The following MEI1 variants were observed in gnomAD, a reference collection of about 807,000 sequenced individuals.
MEI1 encodes meiotic double-stranded break formation protein 1.
Under a neutral mutation model 146.2 loss-of-function variants are expected in MEI1, and 103 were observed. The observed-to-expected ratio is 0.70, with a 90% CI of 0.60 to 0.83. The LOEUF is 0.83. Ranked by LOEUF, MEI1 falls within the 40% of genes least tolerant of loss-of-function variation. The pLI, the probability that MEI1 is intolerant of heterozygous loss-of-function variation, is 0.00. For synonymous variants in MEI1, 652 were observed against 628.2 expected (o/e 1.04, Z -0.57); for missense variants, 1,529 against 1,533.0 (o/e 1.00, Z 0.04).
At chr22:41,723,412 A>C (rs1472268289) in intron 6 of MEI1, among the ~76,000 whole-genome samples, 1 of 152,118 alleles carries the variant, frequency 6.6e-6, no homozygotes, top group East Asian at 1.9e-4. Flanking sequence ...AGGGGGTTTC[A>C]CCATGTTGGC....
At chr22:41,730,324 AAAG>A (rs1486351237) in intron 8 of MEI1, among the ~76,000 whole-genome samples, 194 bp from the exon 9 acceptor site, 1 of 152,192 alleles carries the variant, frequency 6.6e-6, no homozygotes, top group Non-Finnish European at 1.5e-5. Flanking sequence ...CACCTGTTAA[AAAG>A]AAGAGGTTAA....
chr22:41,759,632 AAAATAAAT>A (rs202130156), intron 18 of MEI1, among the ~76,000 whole-genome samples: 4 of 135,636 alleles, frequency 2.9e-5, no homozygotes, highest in Admixed American at 7.1e-5. Flanking sequence ...TCCGTCTCAA[AAAATAAAT>A]AAATAAATAA....
intron 3 of MEI1, among the ~76,000 whole-genome samples, chr22:41,707,172 C>T (rs982879278): frequency 6.6e-6 from 1 of 152,056 alleles, no homozygotes; most frequent in African/African-American, 2.4e-5. Context: ...CACTGCACTT[C>T]AACTTGGGTG....
intron 15 of MEI1, among the ~76,000 whole-genome samples, chr22:41,748,636 G>A (rs1014197355): frequency 6.6e-5 from 10 of 152,126 alleles, no homozygotes; most frequent in African/African-American, 2.4e-4. Context: ...TGCTTTGCAT[G>A]TATGGACTCA....
Position 41,748,126 on chromosome 22 carries a change from C to A in MEI1, c.1700C>A (p.Thr567Asn), listed in dbSNP as rs1228478355. 2 of 1,613,580 alleles carry A rather than the reference C, an allele frequency of 1.2e-6. No individual in the cohort carries two copies. Among genetic ancestry groups the A allele is most frequent in the Non-Finnish European group, 1.7e-6 (2 of 1,179,556 alleles). ...TTGCAGAGACACTTGGAGCAGACCA[C>A]CCACCCAGCTTTGATGGAAGTTTTC... ...PMVMRHLEQT[T>N]HPALMEVFLS... The change falls in exon 15 of 31, where the codon ACC (threonine) becomes AAC (asparagine). Residue 567 changes from threonine (T) to asparagine (N), a missense_variant. This residue lies in a region of MEI1 where 1,212 missense variants were observed against 1,178.9 expected (regional missense o/e 1.03). Coordinates refer to ENST00000401548, the MANE Select transcript of MEI1 (RefSeq NM_152513.4).
At position 41,703,337 on chromosome 22, in the gene MEI1, C is replaced by T. The variant is rs373855976; in HGVS notation, c.181C>T (p.Arg61Cys). ...LLPDPGVSLVRKKHMLSCFQD... is the reference protein window; with the variant it reads ...LLPDPGVSLVCKKHMLSCFQD... Reference sequence around the variant, plus strand: ...TTTCTTCATTTGCTTCAAGTTAGTGCGCAAGAAGCACATGTTGTCCTGCTT... The same window carrying T: ...TTTCTTCATTTGCTTCAAGTTAGTGTGCAAGAAGCACATGTTGTCCTGCTT... The change falls in exon 2 of 31, where the codon CGC (arginine) becomes TGC (cysteine). Residue 61 changes from arginine (R) to cysteine (C), a missense_variant. Physicochemically the swap from Arg to Cys is radical, Grantham distance 180 (BLOSUM62 -3). Transcript: ENST00000401548. 8.1e-6 allele frequency: 13 copies of T among 1,611,824 alleles called. No homozygotes were observed. The highest frequency in any genetic ancestry group is 3.4e-5 in the Admixed American group (2 of 59,688).
Position 41,736,143 on chromosome 22 carries a change from A to G in MEI1, c.1331+3540A>G, listed in dbSNP as rs569852467. Among the ~76,000 whole-genome samples, 293 of 152,240 alleles carry G rather than the reference A, an allele frequency of 1.9e-3. 4 individuals are homozygous for G. Among genetic ancestry groups the G allele is most frequent in the Admixed American group, 0.018 (280 of 15,278 alleles). On this transcript the variant is annotated intron_variant, in intron 11 of 30. Coordinates refer to ENST00000401548, the MANE Select transcript of MEI1 (RefSeq NM_152513.4). ...TCCGGGCATTCCATGACTTAAGGTC[A>G]TATCACTGTAATCACTGCCTCTGTG...
chr22:41,763,133 C>T, intron 18 of MEI1, 41 bp from the exon 19 acceptor site: 1 of 1,605,170 alleles, frequency 6.2e-7, no homozygotes. Context: ...CAGTGGCCTG[C>T]CAACTCTGCC....
rs373302130 is a variant in MEI1 at position 41,716,043 on chromosome 22, G to A, written c.426G>A (p.Leu142=). Residue 142 remains leucine, a splice_region_variant and synonymous_variant, in exon 5 of 31, where the codon CTG becomes CTA. Coordinates refer to ENST00000401548, the MANE Select transcript of MEI1 (RefSeq NM_152513.4). ...TGGAGCATATTCACTTTCTGTAGCTGTGTAACATGCCCTCCATGCGAGGCA... is the reference window on the plus strand; with the variant it reads ...TGGAGCATATTCACTTTCTGTAGCTATGTAACATGCCCTCCATGCGAGGCA... ...RCLLDECHKE[L]CNMPSMRGSL... is the part of the protein sequence containing the mutation. The A allele has an allele frequency of 6.2e-7, 1 of 1,605,774 alleles. No individual in the cohort carries two copies. Among genetic ancestry groups the A allele is most frequent in the African/African-American group, 1.3e-5 (1 of 74,940 alleles).
intron 11 of MEI1, among the ~76,000 whole-genome samples, chr22:41,733,489 G>T (rs1330104515): frequency 6.6e-6 from 1 of 151,022 alleles, no homozygotes; most frequent in Non-Finnish European, 1.5e-5. Context: ...AGGCACAGTG[G>T]CTTATCCCTG....
intron 7 of MEI1, among the ~76,000 whole-genome samples, chr22:41,726,242 AC>A (rs58273537): frequency 0.11 from 16,945 of 152,138 alleles, 2,779 homozygotes; most frequent in African/African-American, 0.36. Flanking sequence ...AAAAGAACTG[AC>A]TTCTAAAGAA....
intron 26 of MEI1, among the ~76,000 whole-genome samples, chr22:41,793,555 G>T (rs1290811519): frequency 6.6e-6 from 1 of 152,182 alleles, no homozygotes; most frequent in Non-Finnish European, 1.5e-5. Flanking sequence ...AGACGCTTTG[G>T]CCTCCCAAAG....
chr22:41,786,874 T>C (rs1239149211), intron 26 of MEI1, among the ~76,000 whole-genome samples: 2 of 152,138 alleles, frequency 1.3e-5, no homozygotes, highest in Non-Finnish European at 2.9e-5. Context: ...TGTAGATCAG[T>C]GTTTATGTAG....
chr22:41,720,289 G>C (rs1465644182), intron 6 of MEI1, among the ~76,000 whole-genome samples: 1 of 152,108 alleles, frequency 6.6e-6, no homozygotes, highest in Admixed American at 6.5e-5. Flanking sequence ...GGCAGTGTTG[G>C]AGTTAGTGCA....
intron 9 of MEI1, among the ~76,000 whole-genome samples, chr22:41,730,872 C>T (rs917671950): frequency 5.9e-5 from 9 of 152,148 alleles, no homozygotes; most frequent in African/African-American, 2.2e-4. Context: ...AAGGGAAGGA[C>T]ACTTCTTTTA....
rs368574546 is a variant in MEI1, at chr22:41,705,176, CT to C, written c.299-312del. 1.8e-3 allele frequency among the ~76,000 whole-genome samples: 256 copies of C among 138,720 alleles called. 1 individual carries two copies. Among genetic ancestry groups the C allele is most frequent in the South Asian group, 4.8e-3 (21 of 4,358 alleles). 91.0% of individuals were successfully genotyped at this position (138,720 alleles called of 152,430 possible). ...CTTTGAAGAGAACTCTTAACCACTC[CT>C]TTTTTTTTTTTTTTTCTTGAGACAG... On this transcript the variant is annotated intron_variant, in intron 2 of 30. Coordinates refer to ENST00000401548, the MANE Select transcript of MEI1 (RefSeq NM_152513.4).
intron 11 of MEI1, among the ~76,000 whole-genome samples, chr22:41,735,443 G>A (rs11090057): frequency 0.29 from 43,530 of 151,762 alleles, 6,848 homozygotes; most frequent in Non-Finnish European, 0.36. Flanking sequence ...CATGTTGGGC[G>A]GGCTGGTCTC....
chr22:41,747,736 C>CCCAAAAAAA (rs1569240908), intron 14 of MEI1, among the ~76,000 whole-genome samples: 1 of 133,230 alleles, frequency 7.5e-6, no homozygotes, highest in Admixed American at 7.6e-5. Flanking sequence ...CCCACCCCCC[C>CCCAAAAAAA]AAAAAAAACA....
At chr22:41,767,680 G>A (rs1254097141) in intron 19 of MEI1, 4 of 444,622 alleles carry the variant, frequency 9.0e-6, no homozygotes, top group African/African-American at 6.0e-5. Context: ...AACCAATGTG[G>A]ATTGACCACT....
Sources: allele counts gnomAD v4.1 joint callset (sites outside exome capture counted in the v4.1 genomes callset), GRCh38; gene constraint gnomAD v4.1.1; regional missense constraint gnomAD v4.1.1; transcripts MANE v1.5; gene names NCBI Gene and HGNC (gene_info 2026-07-23, HGNC 2026-07-21).